TPH1: variants seen among roughly 807,000 people sequenced by gnomAD.
The protein encoded by TPH1 is tryptophan 5-hydroxylase 1.
TPH1 carries 37 observed loss-of-function variants against 49.5 expected under a neutral mutation model. That is an observed-to-expected ratio of 0.75 (90% CI 0.58 to 0.98). The LOEUF (loss-of-function observed/expected upper bound fraction) is 0.98, where lower values mean the gene tolerates loss of function less well. TPH1 is among the 50% of genes least tolerant of loss of function. The probability of loss-of-function intolerance (pLI) is 0.00; values close to 1 mark genes in which losing one functional copy is unlikely to be tolerated. For synonymous variants in TPH1, 160 were observed against 182.1 expected (o/e 0.88, Z 0.98); for missense variants, 487 against 523.6 (o/e 0.93, Z 0.68).
intron 3 of TPH1, among the ~76,000 whole-genome samples, chr11:18,034,345 C>A (rs1452253361): frequency 6.6e-6 from 1 of 152,224 alleles, no homozygotes; most frequent in East Asian, 1.9e-4. Context: ...CTTGCCCCAG[C>A]ATATTGCTCT....
rs1847960342 is a variant in TPH1 at position 18,029,315 on chromosome 11, TCTTAA to T, written c.512_516del (p.Ile171AsnfsTer30). ...AGCTCTTGGAATACGGTTCCCCAGG[TCTTAA>T]TCTCCTCTTCAGTGAATTCAACCTT... is the stretch of plus-strand genomic sequence containing the variant. On this transcript the variant is annotated frameshift_variant, in exon 6 of 11. Transcript: ENST00000682019. LOFTEE classifies it high-confidence loss of function. The T allele has an allele frequency of 6.2e-7, 1 of 1,613,966 alleles. No homozygotes were observed. The highest frequency in any genetic ancestry group is 1.3e-5 in the African/African-American group (1 of 74,904).
chr11:18,041,705 A>G (rs1397463387), intron 1 of TPH1, among the ~76,000 whole-genome samples: 2 of 152,240 alleles, frequency 1.3e-5, no homozygotes, highest in African/African-American at 2.4e-5. Context: ...TTCCAAAACT[A>G]CCAAGATTTT....
In TPH1 at chr11:18,029,485, TG is replaced by T. The variant is rs1201865227; in HGVS notation, c.470+26del. 3.1e-6 allele frequency: 5 copies of T among 1,588,416 alleles called. No homozygotes were observed. In the African/African-American group the frequency reaches 5.4e-5, roughly 17 times the overall value. On this transcript the variant is annotated intron_variant, in intron 5 of 10. Transcript: ENST00000682019. ...TTCACTTATTTTATTATCTCAAAGT[TG>T]ACTATATTTTTTTAAATATACTTAC...
intron 8 of TPH1, among the ~76,000 whole-genome samples, 190 bp from the exon 9 acceptor site, chr11:18,024,173 G>A (rs1338563341): frequency 1.3e-5 from 2 of 152,048 alleles, no homozygotes; most frequent in Middle Eastern, 3.2e-3. Context: ...TGACTTTTAC[G>A]TACTATTAAA....
chr11:18,045,354 G>A (rs531169784), intron 1 of TPH1, among the ~76,000 whole-genome samples: 35 of 152,228 alleles, frequency 2.3e-4, no homozygotes, highest in South Asian at 1.2e-3. Flanking sequence ...AGAGAAAATG[G>A]AAATAGAAGA....
intron 1 of TPH1, among the ~76,000 whole-genome samples, chr11:18,044,750 G>GAA (rs201000016): frequency 0.055 from 8,229 of 149,668 alleles, 779 homozygotes; most frequent in African/African-American, 0.19. Flanking sequence ...ACTCTTTCAG[G>GAA]AAAACAAAAC....
At chr11:18,028,548 C>G (rs555836260) in intron 6 of TPH1, among the ~76,000 whole-genome samples, 1 of 152,214 alleles carries the variant, frequency 6.6e-6, no homozygotes. Context: ...TTAAATAAAG[C>G]TATAACAGCC....
At chr11:18,038,456 T>G (rs1848067018) in intron 2 of TPH1, among the ~76,000 whole-genome samples, 1 of 152,184 alleles carries the variant, frequency 6.6e-6, no homozygotes, top group Non-Finnish European at 1.5e-5. Flanking sequence ...ATTACTAATA[T>G]ACGCACACAC....
At chr11:18,041,110 C>T (rs1178191810) in intron 1 of TPH1, 1 of 217,622 alleles carries the variant, frequency 4.6e-6, no homozygotes, top group African/African-American at 2.4e-5. Context: ...TCAGGAAGGC[C>T]TACCTCCTCC....
At position 18,020,331 on chromosome 11, in the gene TPH1, T is replaced by A. The variant is rs2134023731; in HGVS notation, c.*660A>T. 6.5e-6 allele frequency: 1 copy of A among 154,104 alleles called. No individual in the cohort carries two copies. The highest frequency in any genetic ancestry group is 2.0e-4 in the South Asian group (1 of 4,918). The allele number at this position is 154,104 out of a possible 1,614,324, so 9.5% of individuals were successfully genotyped here. A position where few individuals can be genotyped will look rare whatever the true frequency, so the allele number is the denominator to read the frequency against. On this transcript the variant is annotated 3_prime_UTR_variant, in exon 11 of 11. Transcript: ENST00000682019. ...AAAGTCTCGAATTTTTAGCCTAGTC[T>A]TAATGATTATGCCCCATTCAACCTT...
chr11:18,031,792 T>C (rs1344962459), intron 4 of TPH1, among the ~76,000 whole-genome samples: 10 of 152,202 alleles, frequency 6.6e-5, no homozygotes, highest in Non-Finnish European at 1.5e-4. Context: ...TTCCATCTCT[T>C]ATCTCCTGAA....
Position 18,021,051 on chromosome 11 carries a change from C to T in TPH1, c.1275G>A (p.Gln425=). 6.2e-7 allele frequency: 1 copy of T among 1,614,104 alleles called. No individual in the cohort carries two copies. The change falls in exon 11 of 11, where the codon CAG becomes CAA. Residue 425 remains glutamine, a synonymous_variant. Transcript: ENST00000682019. ...KSITSAMNEL[Q]HDLDVVSDAL... ...CATCACTGACAACATCGAGATCATG[C>T]TGCAGCTCATTCATGGCACTGGTTA...
At chr11:18,032,068 G>A (rs1412180770) in intron 4 of TPH1, among the ~76,000 whole-genome samples, 2 of 152,026 alleles carry the variant, frequency 1.3e-5, no homozygotes, top group African/African-American at 2.4e-5. Context: ...ATCATCTAGT[G>A]GCTGTCTAAG....
chr11:18,033,518 G>T, intron 3 of TPH1, 144 bp from the exon 4 acceptor site: 1 of 661,516 alleles, frequency 1.5e-6, no homozygotes, highest in Non-Finnish European at 2.6e-6. Context: ...ATTTATATGA[G>T]TTAGGTAAAT....
At chr11:18,031,705 C>G (rs554102797) in intron 4 of TPH1, among the ~76,000 whole-genome samples, 1 of 152,246 alleles carries the variant, frequency 6.6e-6, no homozygotes, top group Admixed American at 6.5e-5. Context: ...GATGTACTCA[C>G]CTTTCCATAA....
chr11:18,026,397 A>G lies in TPH1; in HGVS notation c.803+93T>C. 3.0e-5 allele frequency: 19 copies of G among 634,908 alleles called. No individual in the cohort carries two copies. In the East Asian group the frequency reaches 1.1e-3, roughly 35 times the overall value. The allele number at this position is 634,908 out of a possible 1,614,324, so 39.3% of individuals were successfully genotyped here. On this transcript the variant is annotated intron_variant, in intron 7 of 10. Coordinates refer to ENST00000682019, the MANE Select transcript of TPH1 (RefSeq NM_004179.3). ...ATTTATTTAATCCTCGCACACCAAA[A>G]AAAAAAAAAAAAAAAAAAAAGAACC...
Position 18,019,842 on chromosome 11 carries a change from G to T in TPH1, c.*1149C>A, listed in dbSNP as rs561112625. ...TGCTTACTCCCTGTGCTACACAGCT[G>T]ACTCTGCATAAAAACCATTCCTTGG... On this transcript the variant is annotated 3_prime_UTR_variant, in exon 11 of 11. Transcript: ENST00000682019. 7.1e-5 allele frequency: 30 copies of T among 422,000 alleles called. No homozygotes were observed. The highest frequency in any genetic ancestry group is 5.9e-4 in the African/African-American group (29 of 48,908). The allele number at this position is 422,000 out of a possible 1,614,324, so 26.1% of individuals were successfully genotyped here. A position where few individuals can be genotyped will look rare whatever the true frequency, so the allele number is the denominator to read the frequency against.
chr11:18,040,117 T>C (rs894657194), intron 2 of TPH1, among the ~76,000 whole-genome samples: 9 of 149,232 alleles, frequency 6.0e-5, no homozygotes, highest in African/African-American at 1.9e-4. Context: ...AATTTTAATA[T>C]TTTATTAAAA....
chr11:18,041,410 A>G (rs185417418), intron 1 of TPH1: 1 of 152,422 alleles, frequency 6.6e-6, no homozygotes, highest in East Asian at 1.9e-4. Context: ...CAGTGTAAGG[A>G]AATATGTGGA....
Sources: allele counts gnomAD v4.1 joint callset (sites outside exome capture counted in the v4.1 genomes callset), GRCh38; gene constraint gnomAD v4.1.1; transcripts MANE v1.5; gene names NCBI Gene and HGNC (gene_info 2026-07-23, HGNC 2026-07-21).